Variants in ARHGEF12 observed in about 807,000 individuals in gnomAD.
ARHGEF12 encodes KMT2A/ARHGEF12 fusion protein.
A neutral mutation model predicts 211.2 loss-of-function variants in ARHGEF12; 66 were observed. The ratio of observed to expected loss-of-function variants is 0.31; its 90% CI spans 0.26 to 0.38. The LOEUF (loss-of-function observed/expected upper bound fraction) is 0.38, where lower values mean the gene tolerates loss of function less well. Ranked by LOEUF, ARHGEF12 falls within the 10% of genes least tolerant of loss-of-function variation. ARHGEF12 has a pLI of 1.00. For synonymous variants in ARHGEF12, 592 were observed against 638.4 expected (o/e 0.93, Z 1.09); for missense variants, 1,429 against 1,869.5 (o/e 0.76, Z 4.34).
chr11:120,457,486 A>G, intron 23 of ARHGEF12: 1 of 435,890 alleles, frequency 2.3e-6, no homozygotes, highest in Non-Finnish European at 3.9e-6. Flanking sequence ...TAAAATAAAT[A>G]AATAAATAAA....
At chr11:120,360,466 C>T (rs960221154) in intron 1 of ARHGEF12, among the ~76,000 whole-genome samples, 1 of 152,092 alleles carries the variant, frequency 6.6e-6, no homozygotes, top group African/African-American at 2.4e-5. Context: ...GGTCATGGCT[C>T]GCTGCAGCCT....
chr11:120,448,641 C>G (rs139658765), intron 20 of ARHGEF12: 62 of 384,064 alleles, frequency 1.6e-4, no homozygotes, highest in East Asian at 1.3e-3. Context: ...CTAAATACCC[C>G]CTGTGTTGCT....
At chr11:120,395,395 T>C (rs550961246) in intron 1 of ARHGEF12, among the ~76,000 whole-genome samples, 1 of 152,254 alleles carries the variant, frequency 6.6e-6, no homozygotes, top group South Asian at 2.1e-4. Context: ...GAGAGAAGAC[T>C]GGAATGAACC....
Position 120,405,140 on chromosome 11 carries a change from A to G in ARHGEF12, c.33-978A>G, listed in dbSNP as rs148811410. Among the ~76,000 whole-genome samples, 12 of 152,292 alleles carry G rather than the reference A, an allele frequency of 7.9e-5. No homozygotes were observed. The East Asian group carries it at 2.3e-3, about 29-fold the overall frequency. ...TGTTTCTACCTCCATGCCAAATGAA[A>G]TGTAGTCATTGAAGTATCATTGTAT... On this transcript the variant is annotated intron_variant, in intron 1 of 40. Transcript: ENST00000397843.
At chr11:120,337,387 A>G in intron 1 of ARHGEF12, 112 bp downstream of exon 1, 6 of 1,571,770 alleles carry the variant, frequency 3.8e-6, no homozygotes, top group Non-Finnish European at 5.2e-6. Context: ...CAGAGGAAAG[A>G]GGGTTGTTTC....
intron 1 of ARHGEF12, among the ~76,000 whole-genome samples, chr11:120,386,716 T>C (rs1302995362): frequency 6.6e-6 from 1 of 152,164 alleles, no homozygotes; most frequent in African/African-American, 2.4e-5. Flanking sequence ...GTGTTTTACA[T>C]AAGCTACTAC....
Position 120,448,462 on chromosome 11 carries a change from A to G in ARHGEF12, c.1737+114A>G, listed in dbSNP as rs563075740. 38 of 729,288 alleles carry G rather than the reference A, an allele frequency of 5.2e-5. No individual in the cohort carries two copies. The South Asian group carries it at 5.3e-4, about 10-fold the overall frequency. The allele number at this position is 729,288 out of a possible 1,614,324, so 45.2% of individuals were successfully genotyped here. A position where few individuals can be genotyped will look rare whatever the true frequency, so the allele number is the denominator to read the frequency against. On this transcript the variant is annotated intron_variant, in intron 20 of 40. Transcript: ENST00000397843. ...TAATCAGCAAATTAATGCTAGTCAT[A>G]CAAACATTTATAAGATACTGTCTCT...
intron 1 of ARHGEF12, among the ~76,000 whole-genome samples, chr11:120,345,480 G>T (rs1258444310): frequency 4.6e-5 from 7 of 152,108 alleles, no homozygotes; most frequent in Non-Finnish European, 8.8e-5. Flanking sequence ...GAGGTGGGCG[G>T]TTCAGGAGGT....
At chr11:120,427,610 T>C (rs1472231423) in intron 7 of ARHGEF12, among the ~76,000 whole-genome samples, 1 of 150,640 alleles carries the variant, frequency 6.6e-6, no homozygotes, top group Non-Finnish European at 1.5e-5. Context: ...AAGTCGAGGC[T>C]GCAGTGAGCT....
chr11:120,339,969 T>C (rs1184625384), intron 1 of ARHGEF12, among the ~76,000 whole-genome samples: 2 of 152,210 alleles, frequency 1.3e-5, no homozygotes, highest in Admixed American at 6.5e-5. Flanking sequence ...TAAAAGACTT[T>C]AAACTCAAAC....
intron 18 of ARHGEF12, 132 bp downstream of exon 18, chr11:120,447,217 G>A: frequency 9.9e-7 from 1 of 1,009,182 alleles, no homozygotes; most frequent in Non-Finnish European, 1.3e-6. Context: ...CATAGTACTT[G>A]AGAAACTGGA....
In ARHGEF12 at chr11:120,448,271, C is replaced by T; in HGVS notation, c.1660C>T (p.His554Tyr). Residue 554 changes from histidine (H) to tyrosine (Y), a missense_variant, in exon 20 of 41, where the codon CAT becomes TAT. By Grantham distance (83) the His-to-Tyr change is moderately conservative. This residue lies in a region of ARHGEF12 where 373 missense variants were observed against 467.5 expected (regional missense o/e 0.80). Transcript: ENST00000397843. ...GTATGTTATTCTCATGTATATGAAG[C>T]ATTTGGGAGTAAAAGTGAAAGAGCC... ...MQYVILMYMKHLGVKVKEPRN... is the reference protein window; with the variant it reads ...MQYVILMYMKYLGVKVKEPRN... 1 of 1,614,082 alleles carries T rather than the reference C, an allele frequency of 6.2e-7. No individual in the cohort carries two copies. Among genetic ancestry groups the T allele is most frequent in the Non-Finnish European group, 8.5e-7 (1 of 1,179,968 alleles).
At chr11:120,393,185 A>G (rs1944274951) in intron 1 of ARHGEF12, among the ~76,000 whole-genome samples, 1 of 152,244 alleles carries the variant, frequency 6.6e-6, no homozygotes, top group Non-Finnish European at 1.5e-5. Flanking sequence ...CCTTGCCTTC[A>G]AATAATTTAA....
intron 12 of ARHGEF12, among the ~76,000 whole-genome samples, chr11:120,437,862 A>G (rs1047414428): frequency 6.6e-6 from 1 of 152,166 alleles, no homozygotes; most frequent in Non-Finnish European, 1.5e-5. Flanking sequence ...CTCACTTAGC[A>G]TATGTCTTCA....
Position 120,440,167 on chromosome 11 carries a change from A to T in ARHGEF12, c.1038A>T (p.Ile346=). ...QSLVGSPSTR[I]APHIIGAEDD... ...TTGTCGGAAGTCCCTCAACCCGTAT[A>T]GCACCTCATATTATTGGAGCAGAAG... is the stretch of plus-strand genomic sequence containing the variant. The change falls in exon 13 of 41, where the codon ATA becomes ATT. Residue 346 remains isoleucine, a synonymous_variant. Coordinates refer to ENST00000397843, the MANE Select transcript of ARHGEF12 (RefSeq NM_015313.3). 1 of 1,613,966 alleles carries T rather than the reference A, an allele frequency of 6.2e-7. No individual in the cohort carries two copies. The highest frequency in any genetic ancestry group is 8.5e-7 in the Non-Finnish European group (1 of 1,179,880).
intron 39 of ARHGEF12, 82 bp from the exon 40 acceptor site, chr11:120,484,356 G>A: frequency 1.6e-6 from 2 of 1,260,370 alleles, no homozygotes; most frequent in African/African-American, 3.0e-5. Flanking sequence ...TGTAAAAAGG[G>A]CTTCTTTTCT....
chr11:120,446,265 T>A (rs1234114419), intron 16 of ARHGEF12, 138 bp from the exon 17 acceptor site: 1 of 308,810 alleles, frequency 3.2e-6, no homozygotes, highest in Non-Finnish European at 5.8e-6. Context: ...AATTCTGGGA[T>A]GAAATATACG....
At chr11:120,406,038 T>C in intron 1 of ARHGEF12, 80 bp from the exon 2 acceptor site, 3 of 1,060,536 alleles carry the variant, frequency 2.8e-6, no homozygotes, top group Non-Finnish European at 2.8e-6. Context: ...CTTATTCTGG[T>C]TCAGTAGGAT....
At chr11:120,422,719 C>T (rs1945229624) in intron 6 of ARHGEF12, among the ~76,000 whole-genome samples, 1 of 152,144 alleles carries the variant, frequency 6.6e-6, no homozygotes, top group South Asian at 2.1e-4. Context: ...AGATGTCTAT[C>T]TGATTATTCT....
Sources: gnomAD v4.1 joint callset for allele counts (sites outside exome capture counted in the v4.1 genomes callset) on GRCh38, gnomAD v4.1.1 for gene constraint, gnomAD v4.1.1 regional missense constraint, MANE v1.5 for transcripts, NCBI Gene and HGNC (gene_info 2026-07-23, HGNC 2026-07-21) for gene names.